Variants in UBAP2 observed in about 807,000 individuals in gnomAD.
UBAP2 encodes ubiquitin associated protein 2.
Under a neutral mutation model 139.6 loss-of-function variants are expected in UBAP2, and 75 were observed. The observed-to-expected ratio is 0.54, with a 90% CI of 0.45 to 0.65. The LOEUF is 0.65. UBAP2 is among the 30% of genes least tolerant of loss of function. The pLI is 0.00. For synonymous variants in UBAP2, 526 were observed against 526.2 expected (o/e 1.00, Z 0.01); for missense variants, 1,368 against 1,369.6 (o/e 1.00, Z 0.02).
rs1032822353 is a variant in UBAP2, at chr9:33,953,287, G to A, written c.1054C>T (p.Leu352=). Residue 352 remains leucine (L), a splice_region_variant and synonymous_variant, in exon 12 of 29, where the codon CTG becomes TTG. Transcript: ENST00000379238. ...ACACTGAAATAAAAGTGAGTTACCA[G>A]GCTCTGAGGAGAACAGGAGTTGACG... ...TAVNSCSPQS[L]SSVLGSGFGE... is the part of the protein sequence containing the mutation. 1 of 1,611,914 alleles carries A rather than the reference G, an allele frequency of 6.2e-7. No homozygotes were observed. Among genetic ancestry groups the A allele is most frequent in the Non-Finnish European group, 8.5e-7 (1 of 1,178,972 alleles).
intron 1 of UBAP2, among the ~76,000 whole-genome samples, chr9:34,038,143 GAA>G (rs78650365): frequency 5.5e-5 from 7 of 127,248 alleles, no homozygotes; most frequent in African/African-American, 1.1e-4. Context: ...TCCAGCCTGG[GAA>G]AAAAAAAAAA....
chr9:33,981,264 G>GAT (rs1212143318), intron 6 of UBAP2, among the ~76,000 whole-genome samples: 5 of 70,670 alleles, frequency 7.1e-5, no homozygotes, highest in African/African-American at 1.3e-4. Context: ...ATATATTCTG[G>GAT]ATATATATAT....
chr9:34,015,679 T>C (rs1398524471), intron 2 of UBAP2, among the ~76,000 whole-genome samples: 1 of 152,032 alleles, frequency 6.6e-6, no homozygotes, highest in Non-Finnish European at 1.5e-5. Flanking sequence ...CACTCTTCCT[T>C]GTGCTTTGAA....
At chr9:33,930,895 CAAAAAA>C (rs57202118) in intron 19 of UBAP2, among the ~76,000 whole-genome samples, 2 of 73,252 alleles carry the variant, frequency 2.7e-5, no homozygotes, top group African/African-American at 1.4e-4. Context: ...GACTGCATCT[CAAAAAA>C]AAAAAAAAAA....
At chr9:34,016,342 G>T in intron 2 of UBAP2, among the ~76,000 whole-genome samples, 1 of 136,356 alleles carries the variant, frequency 7.3e-6, no homozygotes. Context: ...GGAGGAGGAA[G>T]AGGAGGAGGC....
intron 2 of UBAP2, among the ~76,000 whole-genome samples, chr9:34,000,140 G>A (rs567415705): frequency 6.6e-6 from 1 of 151,802 alleles, no homozygotes; most frequent in South Asian, 2.1e-4. Context: ...TAAAGGTAGG[G>A]TCTCATTCTG....
chr9:33,972,228 A>T (rs1827969958), intron 7 of UBAP2, among the ~76,000 whole-genome samples: 1 of 152,260 alleles, frequency 6.6e-6, no homozygotes, highest in Non-Finnish European at 1.5e-5. Context: ...TTTCTTTTCA[A>T]TAAAATCCTA....
Position 33,922,566 on chromosome 9 carries a change from G to A in UBAP2, c.3298C>T (p.Leu1100=), listed in dbSNP as rs1822993478. ...TTGGAGGCTTGAGACTTGGGCTGCA[G>A]GGAGCTGGGCTGGCTGCGCTGACCC... ...GSGQRSQPSS[L]QPKSQASKPA... Residue 1100 remains leucine (L), a synonymous_variant, in exon 29 of 29, where the codon CTG becomes TTG. Transcript: ENST00000379238. The A allele has an allele frequency of 1.9e-6, 3 of 1,613,848 alleles. No individual in the cohort carries two copies. Among genetic ancestry groups the A allele is most frequent in the Non-Finnish European group, 2.5e-6 (3 of 1,179,970 alleles).
At chr9:33,962,680 A>ATAAT (rs59415900) in intron 9 of UBAP2, among the ~76,000 whole-genome samples, 6,232 of 145,438 alleles carry the variant, frequency 0.043, 206 homozygotes, top group East Asian at 0.14. Context: ...AAATAAATAA[A>ATAAT]TAATTAAAAA....
intron 12 of UBAP2, among the ~76,000 whole-genome samples, chr9:33,951,901 C>T (rs938556650): frequency 1.3e-5 from 2 of 152,064 alleles, no homozygotes; most frequent in African/African-American, 4.8e-5. Context: ...GACTCTGGTG[C>T]GTCAATTAAA....
rs1376537479 is a variant in UBAP2, at chr9:33,954,267, TATAC to T, written c.867-797_867-794del. On this transcript the variant is annotated intron_variant, in intron 11 of 28. Coordinates refer to ENST00000379238, the MANE Select transcript of UBAP2 (RefSeq NM_001370062.2). ...CCCATAATACATTTAAGTGTGTGTA[TATAC>T]ACACACACACACACACACACACACA... Among the ~76,000 whole-genome samples, 358 of 101,676 alleles carry T rather than the reference TATAC, an allele frequency of 3.5e-3. 2 individuals are homozygous for T. Among genetic ancestry groups the T allele is most frequent in the Non-Finnish European group, 5.2e-3 (243 of 46,862 alleles). The allele number at this position is 101,676 out of a possible 152,430, so 66.7% of individuals were successfully genotyped here.
intron 13 of UBAP2, among the ~76,000 whole-genome samples, chr9:33,948,153 T>G (rs190145018): frequency 1.5e-4 from 23 of 152,176 alleles, no homozygotes; most frequent in African/African-American, 5.5e-4. Flanking sequence ...ACCACCACAA[T>G]TACTACCAAC....
intron 2 of UBAP2, among the ~76,000 whole-genome samples, chr9:34,006,251 A>AAG: frequency 6.6e-6 from 1 of 152,036 alleles, no homozygotes; most frequent in South Asian, 2.1e-4. Context: ...AAAAAAAAAA[A>AAG]AAGAAGAAGA....
At chr9:33,995,635 A>T (rs1300586838) in intron 4 of UBAP2, 2 of 143,160 alleles carry the variant, frequency 1.4e-5, no homozygotes, top group East Asian at 3.9e-4. Context: ...AAATATATAC[A>T]TATGTATAAA....
intron 10 of UBAP2, among the ~76,000 whole-genome samples, chr9:33,958,116 C>T (rs375179045): frequency 1.3e-5 from 2 of 152,066 alleles, no homozygotes; most frequent in Non-Finnish European, 2.9e-5. Flanking sequence ...CACCTGCCAT[C>T]ACACACAGCT....
At chr9:33,994,473 T>C (rs1352540557) in intron 4 of UBAP2, 2 of 151,596 alleles carry the variant, frequency 1.3e-5, no homozygotes, top group Non-Finnish European at 1.5e-5. Context: ...TTTCTTTTTT[T>C]TTTTTTTCCC....
At chr9:33,954,786 A>G (rs975298528) in intron 11 of UBAP2, among the ~76,000 whole-genome samples, 2 of 152,244 alleles carry the variant, frequency 1.3e-5, no homozygotes, top group African/African-American at 2.4e-5. Flanking sequence ...ACAATATACT[A>G]TAAGACATAA....
intron 27 of UBAP2, 42 bp from the exon 28 acceptor site, chr9:33,922,920 G>A (rs779078029): frequency 2.5e-6 from 4 of 1,613,954 alleles, no homozygotes; most frequent in Admixed American, 3.3e-5. Context: ...AGGTTGGGCT[G>A]TAACCTCTCA....
chr9:33,940,909 C>A (rs1825146924), intron 16 of UBAP2, among the ~76,000 whole-genome samples: 1 of 152,090 alleles, frequency 6.6e-6, no homozygotes, highest in Non-Finnish European at 1.5e-5. Flanking sequence ...ACTAGGAAAC[C>A]AAAAAATTAG....
Sources: gnomAD v4.1 joint callset for allele counts (sites outside exome capture counted in the v4.1 genomes callset) on GRCh38, gnomAD v4.1.1 for gene constraint, MANE v1.5 for transcripts, NCBI Gene and HGNC (gene_info 2026-07-23, HGNC 2026-07-21) for gene names.